ATP2B3: variants seen among roughly 807,000 people sequenced by gnomAD.
ATP2B3 encodes ATPase plasma membrane Ca2+ transporting 3.
A neutral mutation model predicts 70.8 loss-of-function variants in ATP2B3; 12 were observed. The observed-to-expected ratio is 0.17, with a 90% CI of 0.11 to 0.27. ATP2B3 has a LOEUF of 0.27. Ranked by LOEUF, ATP2B3 falls within the 10% of genes least tolerant of loss-of-function variation. The pLI is 1.00. For missense variants in ATP2B3, 858 were observed against 1,118.5 expected (o/e 0.77, Z 3.32); for synonymous variants, 460 against 497.8 (o/e 0.92, Z 1.01).
intron 2 of ATP2B3, among the ~76,000 whole-genome samples, chrX:153,525,439 G>T (rs965735787): frequency 3.6e-5 from 4 of 111,877 alleles, no homozygotes; most frequent in Admixed American, 9.4e-5. Flanking sequence ...TCAAAGAGCA[G>T]CAGGAGCAGG....
intron 21 of ATP2B3, 83 bp downstream of exon 21, chrX:153,565,186 C>T (rs1265148760): frequency 3.8e-6 from 4 of 1,041,734 alleles, no homozygotes; most frequent in Non-Finnish European, 3.8e-6. Flanking sequence ...GAGAGCCGGC[C>T]GTCTGCACCC....
intron 16 of ATP2B3, among the ~76,000 whole-genome samples, chrX:153,557,746 G>C (rs1557014403): frequency 9.0e-6 from 1 of 111,210 alleles, no homozygotes; most frequent in African/African-American, 3.3e-5. Flanking sequence ...ACTTCCCAGG[G>C]CTCCTTAGCC....
In ATP2B3 at chrX:153,555,921, C is replaced by T. The variant is rs891395026; in HGVS notation, c.2059-128C>T. The T allele has an allele frequency of 1.5e-5, 11 of 738,057 alleles. No individual in the cohort carries two copies. In the African/African-American group the frequency reaches 1.7e-4, roughly 11 times the overall value. 60.8% of individuals were successfully genotyped at this position (738,057 alleles called of 1,213,427 possible). A position where few individuals can be genotyped will look rare whatever the true frequency, so the allele number is the denominator to read the frequency against. On this transcript the variant is annotated intron_variant, in intron 13 of 21. Coordinates refer to ENST00000263519, the MANE Select transcript of ATP2B3 (RefSeq NM_001001344.3). ...ACACAAGTGTTCTGAGCACGTGAATCGGATGGCTTTACTCTCACCTCTGCT... is the reference window on the plus strand; with the variant it reads ...ACACAAGTGTTCTGAGCACGTGAATTGGATGGCTTTACTCTCACCTCTGCT...
intron 3 of ATP2B3, 83 bp from the exon 4 acceptor site, chrX:153,541,276 G>A (rs2090275073): frequency 4.4e-6 from 5 of 1,124,810 alleles, no homozygotes; most frequent in Non-Finnish European, 6.1e-6. Context: ...CAGTCAGTCA[G>A]GGCCACATAG....
chrX:153,577,370 C>T (rs1250786687), intron 21 of ATP2B3, among the ~76,000 whole-genome samples: 4 of 111,979 alleles, frequency 3.6e-5, no homozygotes, highest in Admixed American at 9.4e-5. Flanking sequence ...TCACATGCCC[C>T]CAGGTCTGAA....
intron 21 of ATP2B3, among the ~76,000 whole-genome samples, chrX:153,576,383 G>A (rs2090857720): frequency 8.9e-6 from 1 of 111,851 alleles, no homozygotes; most frequent in Non-Finnish European, 1.9e-5. Context: ...ACACGTGGAT[G>A]TCTGGTACAT....
chrX:153,549,875 A>G, intron 11 of ATP2B3, 136 bp downstream of exon 11: 1 of 1,063,947 alleles, frequency 9.4e-7, no homozygotes, highest in Non-Finnish European at 1.2e-6. Context: ...CTGGCCTCAC[A>G]GGTGGCTCTG....
At chrX:153,541,987 G>T in intron 5 of ATP2B3, 61 bp downstream of exon 5, 1 of 1,163,781 alleles carries the variant, frequency 8.6e-7, no homozygotes, top group South Asian at 1.9e-5. Context: ...TCTGGGGAGG[G>T]TGAGCCAGAG....
At chrX:153,525,934 G>A (rs2090025339) in intron 2 of ATP2B3, among the ~76,000 whole-genome samples, 1 of 113,285 alleles carries the variant, frequency 8.8e-6, no homozygotes, top group African/African-American at 3.2e-5. Flanking sequence ...CGCCTGCCCT[G>A]GTAGCCCCTA....
intron 2 of ATP2B3, among the ~76,000 whole-genome samples, chrX:153,519,839 G>C (rs1376543906): frequency 8.9e-6 from 1 of 112,292 alleles, no homozygotes; most frequent in East Asian, 2.8e-4. Context: ...GGCGTGGGAG[G>C]GGGCCTTGCA....
In ATP2B3 at chrX:153,580,154, C is replaced by T. The variant is rs782578485; in HGVS notation, c.3519C>T (p.Ala1173=). 28 of 1,205,439 alleles carry T rather than the reference C, an allele frequency of 2.3e-5. No individual in the cohort carries two copies. Among genetic ancestry groups the T allele is most frequent in the Non-Finnish European group, 3.0e-5 (27 of 892,226 alleles). ...ACGAGAACGAGGAGCGCCTCCGGGC[C>T]CCCCCGCCCCCGTCCCCCAACCAGA... ...DVDENEERLR[A]PPPPSPNQNN... is the part of the protein sequence containing the mutation. The change falls in exon 22 of 22, where the codon GCC becomes GCT. Residue 1173 remains alanine, a synonymous_variant. Coordinates refer to ENST00000263519, the MANE Select transcript of ATP2B3 (RefSeq NM_001001344.3).
intron 19 of ATP2B3, among the ~76,000 whole-genome samples, chrX:153,561,504 C>T (rs1265008417): frequency 2.7e-5 from 3 of 112,253 alleles, no homozygotes; most frequent in African/African-American, 6.5e-5. Context: ...CATGGGAGAG[C>T]GCCAGGCAGG....
chrX:153,574,000 C>T (rs782546823), intron 21 of ATP2B3, among the ~76,000 whole-genome samples: 202 of 112,798 alleles, frequency 1.8e-3, no homozygotes, highest in South Asian at 8.0e-3. Context: ...GGGAAAGAGC[C>T]AGCTGTGGAG....
chrX:153,577,928 CT>C (rs2090877215), intron 21 of ATP2B3, among the ~76,000 whole-genome samples: 1 of 111,932 alleles, frequency 8.9e-6, no homozygotes, highest in East Asian at 2.8e-4. Flanking sequence ...CCCTGGCTCA[CT>C]TTTTGCACTG....
chrX:153,538,726 G>A (rs2090233060), intron 3 of ATP2B3, among the ~76,000 whole-genome samples: 1 of 113,147 alleles, frequency 8.8e-6, no homozygotes, highest in Non-Finnish European at 1.9e-5. Context: ...GACTGCCCTC[G>A]GGCCTGCTGG....
chrX:153,533,950 G>A (rs957891587), intron 2 of ATP2B3, among the ~76,000 whole-genome samples: 3 of 112,014 alleles, frequency 2.7e-5, no homozygotes, highest in Non-Finnish European at 3.8e-5. Flanking sequence ...ACCAGGCCTC[G>A]GTGACCGTGC....
chrX:153,560,614 C>T, intron 18 of ATP2B3, 62 bp from the exon 19 acceptor site: 1 of 1,153,195 alleles, frequency 8.7e-7, no homozygotes, highest in Non-Finnish European at 1.2e-6. Flanking sequence ...CGAAGTCTCG[C>T]TCCTGAGTAA....
intron 2 of ATP2B3, among the ~76,000 whole-genome samples, chrX:153,526,609 G>A (rs782684062): frequency 1.8e-5 from 2 of 112,335 alleles, no homozygotes; most frequent in East Asian, 2.8e-4. Flanking sequence ...TGACCTTCGC[G>A]TCCTGCAGCC....
At chrX:153,518,106 C>A (rs1331797471) in intron 1 of ATP2B3, among the ~76,000 whole-genome samples, 1 of 111,933 alleles carries the variant, frequency 8.9e-6, no homozygotes, top group Non-Finnish European at 1.9e-5. Flanking sequence ...GCCCCGCACC[C>A]TGCACCCTGC....
Sources: gnomAD v4.1 joint callset for allele counts (sites outside exome capture counted in the v4.1 genomes callset) on GRCh38, gnomAD v4.1.1 for gene constraint, MANE v1.5 for transcripts, NCBI Gene and HGNC (gene_info 2026-07-23, HGNC 2026-07-21) for gene names.